The following NTM variants were observed in gnomAD, a reference collection of about 807,000 sequenced individuals.
NTM encodes IgLON family member 2.
Under a neutral mutation model 42.1 loss-of-function variants are expected in NTM, and 13 were observed. That is an observed-to-expected ratio of 0.31 (90% CI 0.20 to 0.49). The LOEUF is 0.49. Ranked by LOEUF, NTM falls within the 20% of genes least tolerant of loss-of-function variation. The pLI is 0.99. For synonymous variants in NTM, 187 were observed against 179.2 expected, an observed-to-expected ratio of 1.04 and a Z score of -0.35; for missense variants, 373 against 452.8, an observed-to-expected ratio of 0.82 and a Z score of 1.60.
At chr11:131,469,765 G>C (rs953261525) in intron 1 of NTM, among the ~76,000 whole-genome samples, 3 of 152,202 alleles carry the variant, frequency 2.0e-5, no homozygotes, top group Non-Finnish European at 4.4e-5. Flanking sequence ...CTCCCTCACT[G>C]GAATGATTTT....
intron 3 of NTM, among the ~76,000 whole-genome samples, chr11:132,192,347 T>C (rs1336903566): frequency 6.6e-6 from 1 of 152,106 alleles, no homozygotes; most frequent in Non-Finnish European, 1.5e-5. Flanking sequence ...CAAAAGAAAT[T>C]GGGAACCTAT....
intron 2 of NTM, among the ~76,000 whole-genome samples, chr11:132,027,356 T>C (rs1429384562): frequency 6.6e-6 from 1 of 152,238 alleles, no homozygotes; most frequent in African/African-American, 2.4e-5. Flanking sequence ...TTTATGTAGA[T>C]CAGAATTTCT....
chr11:132,067,629 C>T (rs2056714476), intron 2 of NTM, among the ~76,000 whole-genome samples: 1 of 152,186 alleles, frequency 6.6e-6, no homozygotes, highest in Admixed American at 6.5e-5. Context: ...GAAAAGGTTA[C>T]CCAGACCCAG....
intron 1 of NTM, among the ~76,000 whole-genome samples, chr11:131,635,367 C>T (rs1246428216): frequency 6.6e-6 from 1 of 152,114 alleles, no homozygotes; most frequent in Non-Finnish European, 1.5e-5. Flanking sequence ...ATTGATGATC[C>T]TGACCCCATG....
At chr11:132,287,815 G>C (rs2094305222) in intron 4 of NTM, among the ~76,000 whole-genome samples, 1 of 152,150 alleles carries the variant, frequency 6.6e-6, no homozygotes, top group Non-Finnish European at 1.5e-5. Flanking sequence ...TTACAATTTT[G>C]GGTCGGTATG....
At chr11:131,970,204 G>T (rs755963927) in intron 2 of NTM, among the ~76,000 whole-genome samples, 25 of 152,268 alleles carry the variant, frequency 1.6e-4, no homozygotes, top group Non-Finnish European at 8.8e-5. Context: ...ATGCATCCAG[G>T]TCAAGAATAA....
intron 1 of NTM, among the ~76,000 whole-genome samples, chr11:131,640,643 T>G (rs2065020219): frequency 6.6e-6 from 1 of 152,200 alleles, no homozygotes; most frequent in African/African-American, 2.4e-5. Flanking sequence ...TGATTTCAAT[T>G]AAGTGCTGTG....
intron 2 of NTM, among the ~76,000 whole-genome samples, chr11:132,106,736 G>A (rs138936964): frequency 1.8e-4 from 27 of 152,284 alleles, no homozygotes; most frequent in African/African-American, 5.1e-4. Context: ...TCGGGTGATC[G>A]TGATGATACA....
At chr11:131,536,528 G>T (rs1446038894) in intron 1 of NTM, 3 of 152,100 alleles carry the variant, frequency 2.0e-5, no homozygotes, top group African/African-American at 7.2e-5. Flanking sequence ...CAAACATACA[G>T]AAAAGATGAA....
At position 131,525,880 on chromosome 11, in the gene NTM, C is replaced by T. The variant is rs540105696; in HGVS notation, c.82+154992C>T. Among the ~76,000 whole-genome samples the T allele has an allele frequency of 3.9e-5, 6 of 152,104 alleles. No homozygotes were observed. The South Asian group carries it at 6.2e-4, about 16-fold the overall frequency. On this transcript the variant is annotated intron_variant, in intron 1 of 8. Transcript: ENST00000683400. ...GTGTGTGCATGTATATATACATACACTTTGCCTGGAAAGAAATGCCTGAGA... is the reference window on the plus strand; with the variant it reads ...GTGTGTGCATGTATATATACATACATTTTGCCTGGAAAGAAATGCCTGAGA...
intron 1 of NTM, among the ~76,000 whole-genome samples, chr11:131,696,653 C>T (rs1180237394): frequency 6.6e-6 from 1 of 152,212 alleles, no homozygotes; most frequent in Non-Finnish European, 1.5e-5. Context: ...CCTAATGTGA[C>T]TGCTATGAGA....
rs377114110 is a variant in NTM at position 131,920,031 on chromosome 11, TA to T, written c.167+8388del. 9.2e-5 allele frequency among the ~76,000 whole-genome samples: 14 copies of T among 152,304 alleles called. 2 individuals are homozygous for T. The highest frequency in any genetic ancestry group is 3.1e-4 in the African/African-American group (13 of 41,568). On this transcript the variant is annotated intron_variant, in intron 2 of 8. Coordinates refer to ENST00000683400, the MANE Select transcript of NTM (RefSeq NM_001352005.2). ...AAGAAAGATATTTCTTTGTTTTTCG[TA>T]AAAAGATTGTTGCATAGCAGGTTGT...
At position 131,696,771 on chromosome 11, in the gene NTM, G is replaced by A. The variant is rs141215392; in HGVS notation, c.83-214793G>A. On this transcript the variant is annotated intron_variant, in intron 1 of 8. Transcript: ENST00000683400. ...TGTTTCACCTTTGTGTCTCAAACAGGCACACCCACGCATGCACACACACAC... is the reference window on the plus strand; with the variant it reads ...TGTTTCACCTTTGTGTCTCAAACAGACACACCCACGCATGCACACACACAC... Among the ~76,000 whole-genome samples, 124 of 145,024 alleles carry A rather than the reference G, an allele frequency of 8.6e-4. 2 individuals are homozygous for A. The East Asian group carries it at 0.022, about 25-fold the overall frequency.
At chr11:132,328,485 TG>T (rs56754322) in intron 7 of NTM, among the ~76,000 whole-genome samples, 1 of 152,008 alleles carries the variant, frequency 6.6e-6, no homozygotes, top group African/African-American at 2.4e-5. Context: ...GAGGTTTTTT[TG>T]GGGGGGTCTT....
At chr11:132,207,548 A>C (rs1202535555) in intron 3 of NTM, among the ~76,000 whole-genome samples, 21 of 152,202 alleles carry the variant, frequency 1.4e-4, no homozygotes, top group Admixed American at 7.9e-4. Context: ...ATGTGCTTGA[A>C]TCATCCTGAA....
At chr11:132,311,946 A>G (rs1277911298) in intron 6 of NTM, among the ~76,000 whole-genome samples, 1 of 146,906 alleles carries the variant, frequency 6.8e-6, no homozygotes, top group Non-Finnish European at 1.5e-5. Context: ...CAGTCTTCAG[A>G]GGCCCCTGGC....
chr11:132,010,263 T>A (rs1453885112), intron 2 of NTM, among the ~76,000 whole-genome samples: 2 of 152,198 alleles, frequency 1.3e-5, no homozygotes, highest in African/African-American at 4.8e-5. Flanking sequence ...AAACTCAACT[T>A]ATGTATGACA....
intron 1 of NTM, among the ~76,000 whole-genome samples, chr11:131,421,563 C>T (rs181832647): frequency 3.3e-5 from 5 of 152,340 alleles, no homozygotes; most frequent in East Asian, 1.9e-4. Context: ...GAAGCTACTG[C>T]ATATGCAGTT....
intron 3 of NTM, among the ~76,000 whole-genome samples, chr11:132,170,128 A>C (rs1045620570): frequency 2.6e-5 from 4 of 152,204 alleles, no homozygotes. Context: ...GGTGCTGTTG[A>C]AAATGATTCT....
Sources: allele counts gnomAD v4.1 joint callset (sites outside exome capture counted in the v4.1 genomes callset), GRCh38; gene constraint gnomAD v4.1.1; transcripts MANE v1.5; gene names NCBI Gene and HGNC (gene_info 2026-07-23, HGNC 2026-07-21).